Variants in MYO1B observed in about 807,000 individuals in gnomAD.
MYO1B encodes the protein myosin IB.
MYO1B carries 72 observed loss-of-function variants against 159.7 expected under a neutral mutation model. That is an observed-to-expected ratio of 0.45 (90% CI 0.37 to 0.55). The LOEUF is 0.55. Among genes scored for constraint, MYO1B ranks in the 20% least tolerant of loss-of-function variants. The pLI is 0.00. For synonymous variants in MYO1B, 468 were observed against 473.8 expected, an observed-to-expected ratio of 0.99 and a Z score of 0.16; for missense variants, 1,062 against 1,364.8, an observed-to-expected ratio of 0.78 and a Z score of 3.50.
chr2:191,288,852 T>A (rs1688535137), intron 2 of MYO1B, among the ~76,000 whole-genome samples: 1 of 152,238 alleles, frequency 6.6e-6, no homozygotes, highest in Non-Finnish European at 1.5e-5. Context: ...TGGCAAAAAC[T>A]GCAATTACTT....
At chr2:191,415,885 G>C (rs930837992) in intron 29 of MYO1B, among the ~76,000 whole-genome samples, 3 of 152,162 alleles carry the variant, frequency 2.0e-5, no homozygotes, top group Non-Finnish European at 4.4e-5. Context: ...TGCACATGGT[G>C]CTTCTGCTGC....
chr2:191,261,274 A>G (rs964047710), intron 1 of MYO1B, among the ~76,000 whole-genome samples: 3 of 152,232 alleles, frequency 2.0e-5, no homozygotes, highest in African/African-American at 7.2e-5. Flanking sequence ...TGTTGTTTCT[A>G]TGAAAATTCA....
At chr2:191,317,227 A>C (rs1690410068) in intron 3 of MYO1B, among the ~76,000 whole-genome samples, 1 of 152,166 alleles carries the variant, frequency 6.6e-6, no homozygotes, top group South Asian at 2.1e-4. Flanking sequence ...CACTGGATAC[A>C]TCCGCTATAG....
chr2:191,362,268 A>AT lies in MYO1B; in HGVS notation c.663dup (p.Lys222Ter). ...ACAACTTGTGTCTTTGATTCAATAG[A>AT]TAAACTTAAGCTTGAGAGGGATTTC... On this transcript the variant is annotated frameshift_variant and splice_region_variant, in exon 9 of 31. Coordinates refer to ENST00000392318, the MANE Select transcript of MYO1B (RefSeq NM_001130158.3). LOFTEE classifies it high-confidence loss of function. 6.2e-7 allele frequency: 1 copy of AT among 1,612,762 alleles called. No homozygotes were observed. Among genetic ancestry groups the AT allele is most frequent in the Non-Finnish European group, 8.5e-7 (1 of 1,178,968 alleles).
chr2:191,414,145 G>C lies in MYO1B; in HGVS notation c.2971G>C (p.Glu991Gln). The change falls in exon 28 of 31, where the codon GAA becomes CAA. Residue 991 changes from glutamate (E) to glutamine (Q), a missense_variant. Coordinates refer to ENST00000392318, the MANE Select transcript of MYO1B (RefSeq NM_001130158.3). ...DAIEEKIIIA[E>Q]VVNKINRANG... Reference sequence around the variant, plus strand: ...CATTGAAGAAAAGATCATCATTGCTGAAGTCGTGAACAAAATTAACCGTGC... The same window carrying C: ...CATTGAAGAAAAGATCATCATTGCTCAAGTCGTGAACAAAATTAACCGTGC... 6.2e-7 allele frequency: 1 copy of C among 1,613,334 alleles called. No individual in the cohort carries two copies. The highest frequency in any genetic ancestry group is 8.5e-7 in the Non-Finnish European group (1 of 1,179,642).
chr2:191,262,498 T>G (rs1177093311), intron 1 of MYO1B, among the ~76,000 whole-genome samples: 1 of 152,164 alleles, frequency 6.6e-6, no homozygotes, highest in Non-Finnish European at 1.5e-5. Context: ...CTGACCTCAG[T>G]TTTATCTTCC....
intron 13 of MYO1B, among the ~76,000 whole-genome samples, chr2:191,375,797 A>T (rs1311613671): frequency 1.3e-5 from 2 of 151,980 alleles, no homozygotes; most frequent in African/African-American, 4.8e-5. Flanking sequence ...CGTCTCTACT[A>T]AAAATACAAA....
chr2:191,285,943 G>A (rs1346875312), intron 2 of MYO1B, among the ~76,000 whole-genome samples: 1 of 152,158 alleles, frequency 6.6e-6, no homozygotes, highest in East Asian at 1.9e-4. Flanking sequence ...GGACCTGGAT[G>A]CCAAGCAGCT....
At chr2:191,420,110 G>A (rs1010030108) in intron 30 of MYO1B, among the ~76,000 whole-genome samples, 18 of 152,138 alleles carry the variant, frequency 1.2e-4, no homozygotes, top group Non-Finnish European at 2.6e-4. Context: ...GCTGAGGTGG[G>A]AGAATCATCT....
chr2:191,313,491 TCTC>T (rs1428993614), intron 3 of MYO1B, among the ~76,000 whole-genome samples: 1 of 152,122 alleles, frequency 6.6e-6, no homozygotes, highest in East Asian at 1.9e-4. Context: ...TTCACACCAT[TCTC>T]CTGCCTCAGC....
At chr2:191,338,242 C>A (rs914614556) in intron 4 of MYO1B, among the ~76,000 whole-genome samples, 1 of 151,410 alleles carries the variant, frequency 6.6e-6, no homozygotes, top group African/African-American at 2.4e-5. Context: ...TAAGATGAGC[C>A]CAGTAGTAGA....
At chr2:191,396,768 C>G (rs552108778) in intron 21 of MYO1B, among the ~76,000 whole-genome samples, 2 of 152,316 alleles carry the variant, frequency 1.3e-5, no homozygotes, top group East Asian at 3.9e-4. Flanking sequence ...TTCAGTATCC[C>G]TTTGCCCCGT....
chr2:191,313,489 A>G (rs1690153542), intron 3 of MYO1B, among the ~76,000 whole-genome samples: 1 of 152,048 alleles, frequency 6.6e-6, no homozygotes, highest in South Asian at 2.1e-4. Flanking sequence ...GGTTCACACC[A>G]TTCTCCTGCC....
Position 191,276,963 on chromosome 2 carries a change from T to C in MYO1B, c.68T>C (p.Leu23Ser). Residue 23 changes from leucine to serine, a missense_variant, in exon 2 of 31, where the codon TTA (leucine) becomes TCA (serine). Physicochemically the swap from Leu to Ser is moderately radical, Grantham distance 145. This residue lies in a region of MYO1B where 415 missense variants were observed against 544.0 expected (regional missense o/e 0.76). Coordinates refer to ENST00000392318, the MANE Select transcript of MYO1B (RefSeq NM_001130158.3). ...NMIGVGDMVL[L>S]EPLNEETFIN... ...ATTGGAGTTGGGGATATGGTTCTTT[T>C]AGAACCTCTCAATGAGGAGACCTTC... 1 of 1,614,094 alleles carries C rather than the reference T, an allele frequency of 6.2e-7. No individual in the cohort carries two copies. Among genetic ancestry groups the C allele is most frequent in the Non-Finnish European group, 8.5e-7 (1 of 1,179,962 alleles).
chr2:191,302,231 A>G (rs1171877760), intron 3 of MYO1B, among the ~76,000 whole-genome samples: 2 of 152,170 alleles, frequency 1.3e-5, no homozygotes, highest in African/African-American at 4.8e-5. Context: ...TCTTCTTGCT[A>G]TGGTTGATTA....
At chr2:191,392,305 A>G in intron 19 of MYO1B, 104 bp downstream of exon 19, 1 of 736,928 alleles carries the variant, frequency 1.4e-6, no homozygotes, top group Non-Finnish European at 2.2e-6. Flanking sequence ...GCCACCATGA[A>G]TGCCACAAAA....
chr2:191,310,114 T>G (rs1294149094), intron 3 of MYO1B, among the ~76,000 whole-genome samples: 1 of 152,210 alleles, frequency 6.6e-6, no homozygotes, highest in Non-Finnish European at 1.5e-5. Context: ...CATTTTAATG[T>G]AACAGTATAC....
At chr2:191,308,625 A>G (rs1559157533) in intron 3 of MYO1B, among the ~76,000 whole-genome samples, 1 of 152,068 alleles carries the variant, frequency 6.6e-6, no homozygotes, top group Non-Finnish European at 1.5e-5. Context: ...CCTAGCTACC[A>G]TGCCATTTGT....
chr2:191,325,939 A>G (rs1288509164), intron 3 of MYO1B, among the ~76,000 whole-genome samples: 1 of 152,122 alleles, frequency 6.6e-6, no homozygotes, highest in Non-Finnish European at 1.5e-5. Context: ...TTGGCTCTCA[A>G]AGAACAGCCG....
Sources: gnomAD v4.1 joint callset for allele counts (sites outside exome capture counted in the v4.1 genomes callset) on GRCh38, gnomAD v4.1.1 for gene constraint, gnomAD v4.1.1 regional missense constraint, MANE v1.5 for transcripts, NCBI Gene and HGNC (gene_info 2026-07-23, HGNC 2026-07-21) for gene names.